TCF4: variants seen among roughly 807,000 people sequenced by gnomAD.
The protein encoded by TCF4 is SL3-3 enhancer factor 2.
A neutral mutation model predicts 82.1 loss-of-function variants in TCF4; 3 were observed. The ratio of observed to expected loss-of-function variants is 0.04; its 90% CI spans 0.02 to 0.09. The LOEUF is 0.09. TCF4 is among the 10% of genes least tolerant of loss of function. The pLI, the probability that TCF4 is intolerant of heterozygous loss-of-function variation, is 1.00. For synonymous variants in TCF4, 276 were observed against 309.6 expected, an observed-to-expected ratio of 0.89 and a Z score of 1.14; for missense variants, 518 against 852.7, an observed-to-expected ratio of 0.61 and a Z score of 4.89.
chr18:55,296,472 A>G (rs2066520493), intron 8 of TCF4, among the ~76,000 whole-genome samples: 1 of 152,178 alleles, frequency 6.6e-6, no homozygotes, highest in Admixed American at 6.5e-5. Flanking sequence ...GCAGGAACTC[A>G]AGTCATGGTG....
chr18:55,448,905 T>A (rs939376795), intron 5 of TCF4, among the ~76,000 whole-genome samples: 8 of 152,194 alleles, frequency 5.3e-5, no homozygotes, highest in Non-Finnish European at 8.8e-5. Context: ...AAAATCTCAT[T>A]AACTATTAAA....
At chr18:55,324,187 C>A (rs547034426) in intron 8 of TCF4, among the ~76,000 whole-genome samples, 1 of 152,256 alleles carries the variant, frequency 6.6e-6, no homozygotes, top group South Asian at 2.1e-4. Flanking sequence ...GGCTTCATTG[C>A]CTAATGGAAA....
chr18:55,279,685 C>T, intron 8 of TCF4, 29 bp from the exon 9 acceptor site: 15 of 1,613,510 alleles, frequency 9.3e-6, no homozygotes, highest in Non-Finnish European at 1.3e-5. Flanking sequence ...CTGAGTTTTG[C>T]TTTTTGCATT....
intron 3 of TCF4, among the ~76,000 whole-genome samples, chr18:55,525,203 CAATT>C: frequency 6.6e-6 from 1 of 151,460 alleles, no homozygotes; most frequent in African/African-American, 2.4e-5. Flanking sequence ...ATGTTCCAAT[CAATT>C]CTAAATCAAG....
chr18:55,632,021 T>TTTG lies in TCF4; in HGVS notation c.196-636_196-634dup, dbSNP rs529883185. ...CTTTTTGCCCTGATTAACAGTTCTT[T>TTTG]TTGTTGTTGTTGTTGTTTTTGTTTT... On this transcript the variant is annotated intron_variant, in intron 1 of 20. Coordinates refer to the TCF4 transcript ENST00000398339. 3.1e-4 allele frequency among the ~76,000 whole-genome samples: 47 copies of TTTG among 152,194 alleles called. No individual in the cohort carries two copies. In the East Asian group the frequency reaches 4.1e-3, roughly 13 times the overall value.
At chr18:55,392,752 C>T (rs1231374615) in intron 6 of TCF4, among the ~76,000 whole-genome samples, 1 of 152,024 alleles carries the variant, frequency 6.6e-6, no homozygotes, top group Non-Finnish European at 1.5e-5. Flanking sequence ...TGTCTTATAA[C>T]AGTGTGTGTG....
intron 6 of TCF4, among the ~76,000 whole-genome samples, chr18:55,385,036 AC>A (rs1157916736): frequency 1.3e-5 from 2 of 150,674 alleles, no homozygotes; most frequent in Non-Finnish European, 3.0e-5. Context: ...CCTCCCCCTT[AC>A]CCCCTTTCTC....
At chr18:55,527,010 A>G (rs1272216274) in intron 3 of TCF4, among the ~76,000 whole-genome samples, 1 of 152,162 alleles carries the variant, frequency 6.6e-6, no homozygotes, top group African/African-American at 2.4e-5. Context: ...GTCTGGACAG[A>G]TATTTTTCAC....
chr18:55,615,999 C>A (rs2097711391), intron 2 of TCF4, among the ~76,000 whole-genome samples: 1 of 151,958 alleles, frequency 6.6e-6, no homozygotes, highest in Non-Finnish European at 1.5e-5. Context: ...ATAAAACCTA[C>A]CCTCTAATTA....
chr18:55,241,370 A>G (rs1411519883), intron 15 of TCF4, among the ~76,000 whole-genome samples: 2 of 152,228 alleles, frequency 1.3e-5, no homozygotes, highest in African/African-American at 4.8e-5. Flanking sequence ...CCATTCCTCT[A>G]TCTCTTCCTT....
chr18:55,496,177 A>C (rs1290761764), intron 3 of TCF4: 1 of 152,234 alleles, frequency 6.6e-6, no homozygotes, highest in Non-Finnish European at 1.5e-5. Flanking sequence ...AAATGCTTAA[A>C]GTTTTCATAC....
chr18:55,433,890 C>A (rs1217909321), intron 5 of TCF4, among the ~76,000 whole-genome samples: 1 of 152,094 alleles, frequency 6.6e-6, no homozygotes, highest in Non-Finnish European at 1.5e-5. Context: ...GCGCACGACA[C>A]TGACAGAGCC....
intron 3 of TCF4, among the ~76,000 whole-genome samples, chr18:55,578,069 T>C (rs1048033894): frequency 1.3e-5 from 2 of 152,124 alleles, no homozygotes; most frequent in Non-Finnish European, 2.9e-5. Context: ...TCCCCCAAGA[T>C]TAAATTACAG....
chr18:55,448,503 A>AT (rs1260010570), intron 5 of TCF4, among the ~76,000 whole-genome samples: 1 of 152,198 alleles, frequency 6.6e-6, no homozygotes, highest in Non-Finnish European at 1.5e-5. Context: ...AAATGCAAAG[A>AT]TTTTCCCATA....
chr18:55,623,719 C>T (rs578209913), intron 2 of TCF4, among the ~76,000 whole-genome samples: 8 of 152,118 alleles, frequency 5.3e-5, no homozygotes, highest in African/African-American at 9.6e-5. Flanking sequence ...CATAAATTTT[C>T]GGTACAGCAC....
At chr18:55,626,213 T>C (rs2097726403) in intron 2 of TCF4, among the ~76,000 whole-genome samples, 1 of 152,202 alleles carries the variant, frequency 6.6e-6, no homozygotes, top group Non-Finnish European at 1.5e-5. Context: ...GAAATCAAAA[T>C]GTATTTTATC....
At chr18:55,515,700 T>C (rs756292997) in intron 3 of TCF4, among the ~76,000 whole-genome samples, 3 of 152,140 alleles carry the variant, frequency 2.0e-5, no homozygotes, top group Non-Finnish European at 4.4e-5. Flanking sequence ...CAGAGAGTGT[T>C]GTGGAAAGAA....
At chr18:55,601,370 T>A (rs2097696734) in intron 2 of TCF4, among the ~76,000 whole-genome samples, 1 of 151,686 alleles carries the variant, frequency 6.6e-6, no homozygotes, top group African/African-American at 2.4e-5. Flanking sequence ...TTCCAAAGGA[T>A]CTTGGGAGAG....
At chr18:55,419,794 G>A (rs908102878) in intron 5 of TCF4, among the ~76,000 whole-genome samples, 30 of 152,276 alleles carry the variant, frequency 2.0e-4, no homozygotes, top group Non-Finnish European at 1.5e-5. Context: ...CCCAACCAAT[G>A]GGAAAGTTTG....
Sources: allele counts gnomAD v4.1 joint callset (sites outside exome capture counted in the v4.1 genomes callset), GRCh38; gene constraint gnomAD v4.1.1; transcripts MANE v1.5; gene names NCBI Gene and HGNC (gene_info 2026-07-23, HGNC 2026-07-21).